TTLL7: variants seen among roughly 807,000 people sequenced by gnomAD.
The protein encoded by TTLL7 is tubulin polyglutamylase TTLL7.
In TTLL7, 53 loss-of-function variants were observed where a neutral mutation model predicts 120.2. The ratio of observed to expected loss-of-function variants is 0.44; its 90% CI spans 0.35 to 0.55. The LOEUF (loss-of-function observed/expected upper bound fraction) is 0.55. TTLL7 is among the 20% of genes least tolerant of loss of function. The probability of loss-of-function intolerance (pLI) is 0.00; values close to 1 mark genes in which losing one functional copy is unlikely to be tolerated. For missense variants in TTLL7, 803 were observed against 1,054.7 expected (o/e 0.76, Z 3.31); for synonymous variants, 353 against 351.7 (o/e 1.00, Z -0.04).
intron 17 of TTLL7, among the ~76,000 whole-genome samples, chr1:83,905,467 C>T (rs1446414262): frequency 9.9e-5 from 15 of 150,972 alleles, no homozygotes; most frequent in African/African-American, 3.6e-4. Context: ...ATGCCAAGTG[C>T]ATGGCTGTAG....
intron 14 of TTLL7, among the ~76,000 whole-genome samples, chr1:83,916,643 T>C (rs12133949): frequency 6.6e-6 from 1 of 151,356 alleles, no homozygotes; most frequent in African/African-American, 2.4e-5. Flanking sequence ...AGTATAATTT[T>C]AAAAAAAAGA....
chr1:83,877,334 T>C (rs1351953167), intron 20 of TTLL7, among the ~76,000 whole-genome samples: 2 of 151,986 alleles, frequency 1.3e-5, no homozygotes, highest in African/African-American at 4.8e-5. Flanking sequence ...TGAACTGTTA[T>C]TTTCCTTTGC....
intron 15 of TTLL7, among the ~76,000 whole-genome samples, chr1:83,910,401 CA>C (rs768962906): frequency 1.4e-4 from 21 of 152,200 alleles, no homozygotes; most frequent in Middle Eastern, 3.4e-3. Context: ...CTGGAGGCAG[CA>C]TCAGGAAGGG....
intron 1 of TTLL7, 99 bp downstream of exon 1, chr1:83,998,832 T>TCCGGGGATGGGGG: frequency 3.1e-6 from 1 of 325,466 alleles, no homozygotes; most frequent in Non-Finnish European, 6.1e-6. Flanking sequence ...GCAGTGACAG[T>TCCGGGGATGGGGG]CCGGGGATGG....
intron 19 of TTLL7, chr1:83,889,926 G>A (rs559212375): frequency 1.5e-5 from 7 of 458,290 alleles, no homozygotes; most frequent in Non-Finnish European, 3.1e-5. Context: ...CCGAATAAAA[G>A]GACATGGAAT....
intron 1 of TTLL7, among the ~76,000 whole-genome samples, chr1:83,968,895 T>C (rs1163357410): frequency 6.6e-6 from 1 of 152,076 alleles, no homozygotes; most frequent in Non-Finnish European, 1.5e-5. Flanking sequence ...AATGAGAACA[T>C]TCTTACTTAT....
chr1:83,881,412 C>G (rs1459162993), intron 20 of TTLL7, among the ~76,000 whole-genome samples: 2 of 150,696 alleles, frequency 1.3e-5, no homozygotes, highest in Non-Finnish European at 3.0e-5. Context: ...ACAACCCCAT[C>G]AAAAAGTGGG....
intron 19 of TTLL7, among the ~76,000 whole-genome samples, chr1:83,888,532 G>C (rs1320374891): frequency 6.6e-6 from 1 of 152,000 alleles, no homozygotes; most frequent in Admixed American, 6.6e-5. Flanking sequence ...TTTCAGAATA[G>C]AACAGTCTGT....
At chr1:83,960,833 C>A (rs916749424) in intron 1 of TTLL7, among the ~76,000 whole-genome samples, 1 of 152,054 alleles carries the variant, frequency 6.6e-6, no homozygotes, top group African/African-American at 2.4e-5. Flanking sequence ...ACTCTCATAA[C>A]AATAAAACAT....
chr1:83,872,395 A>G (rs1462131685), intron 20 of TTLL7, among the ~76,000 whole-genome samples: 2 of 152,222 alleles, frequency 1.3e-5, no homozygotes, highest in Non-Finnish European at 2.9e-5. Flanking sequence ...TATTATGTCA[A>G]CAATTGGTGG....
chr1:83,917,319 T>C (rs950193615), intron 14 of TTLL7, among the ~76,000 whole-genome samples: 1 of 152,170 alleles, frequency 6.6e-6, no homozygotes, highest in Non-Finnish European at 1.5e-5. Flanking sequence ...GAGGCAAACT[T>C]AATACTTAGT....
At chr1:83,899,287 G>T (rs1413251128) in intron 18 of TTLL7, among the ~76,000 whole-genome samples, 2 of 151,800 alleles carry the variant, frequency 1.3e-5, no homozygotes, top group African/African-American at 4.8e-5. Context: ...TTTTGGGAAG[G>T]CCTCTTAAAG....
chr1:83,955,371 T>C lies in TTLL7; in HGVS notation c.-176-2984A>G, dbSNP rs114948075. ...TCCCTCCAAAATTCATGTTGAAACATAGTCCCCAATGAAACAGTATGATGA... is the reference window on the plus strand; with the variant it reads ...TCCCTCCAAAATTCATGTTGAAACACAGTCCCCAATGAAACAGTATGATGA... On this transcript the variant is annotated intron_variant, in intron 1 of 20. Coordinates refer to ENST00000260505, the MANE Select transcript of TTLL7 (RefSeq NM_024686.6). Among the ~76,000 whole-genome samples the C allele has an allele frequency of 5.1e-3, 780 of 152,306 alleles. 7 individuals are homozygous for C. The highest frequency in any genetic ancestry group is 0.018 in the African/African-American group (753 of 41,576).
intron 1 of TTLL7, among the ~76,000 whole-genome samples, chr1:83,956,244 A>G (rs1415921637): frequency 6.6e-6 from 1 of 151,776 alleles, no homozygotes; most frequent in Non-Finnish European, 1.5e-5. Flanking sequence ...GGTGTACACC[A>G]CCACAACAGG....
intron 18 of TTLL7, among the ~76,000 whole-genome samples, chr1:83,899,666 C>T (rs931492340): frequency 2.0e-5 from 3 of 151,854 alleles, no homozygotes; most frequent in African/African-American, 4.8e-5. Flanking sequence ...CTGAATACAT[C>T]GTTACACAAA....
chr1:83,883,227 G>C (rs1046953325), intron 19 of TTLL7, 91 bp from the exon 20 acceptor site: 2 of 986,902 alleles, frequency 2.0e-6, no homozygotes, highest in African/African-American at 3.3e-5. Context: ...ACCAATAAGG[G>C]AAATAGAAAT....
chr1:83,897,451 G>A (rs1469546403), intron 18 of TTLL7, among the ~76,000 whole-genome samples: 1 of 152,080 alleles, frequency 6.6e-6, no homozygotes, highest in South Asian at 2.1e-4. Context: ...ATAAATGTTT[G>A]TTAAATTAAA....
At position 83,948,649 on chromosome 1, in the gene TTLL7, A is replaced by G. The variant is rs1648740926; in HGVS notation, c.326T>C (p.Phe109Ser). The change falls in exon 5 of 21, where the codon TTC (phenylalanine) becomes TCC (serine). Residue 109 changes from phenylalanine (F) to serine (S), a missense_variant. By Grantham distance (155) the Phe-to-Ser change is radical. Transcript: ENST00000260505. ...PGMGEICRKD[F>S]LARNMTKMIK... ...TTACTTGGTCATATTTCTTGCTAAG[A>G]AATCCTTCCTACAGATCTCCCCCAT... The G allele has an allele frequency of 6.2e-7, 1 of 1,611,192 alleles. No individual in the cohort carries two copies. Among genetic ancestry groups the G allele is most frequent in the Admixed American group, 1.7e-5 (1 of 59,930 alleles).
chr1:83,997,865 TCTC>T (rs1166170436), intron 1 of TTLL7, among the ~76,000 whole-genome samples: 1 of 152,230 alleles, frequency 6.6e-6, no homozygotes, highest in Non-Finnish European at 1.5e-5. Context: ...GTGCTGAACA[TCTC>T]CTGTTATGAC....
Sources: gnomAD v4.1 joint callset for allele counts (sites outside exome capture counted in the v4.1 genomes callset) on GRCh38, gnomAD v4.1.1 for gene constraint, MANE v1.5 for transcripts, NCBI Gene and HGNC (gene_info 2026-07-23, HGNC 2026-07-21) for gene names.